The following NKAIN3 variants were observed in gnomAD, a reference collection of about 807,000 sequenced individuals.
The protein encoded by NKAIN3 is sodium/potassium transporting ATPase interacting 3.
A neutral mutation model predicts 30.2 loss-of-function variants in NKAIN3; 25 were observed. That is an observed-to-expected ratio of 0.83 (90% CI 0.60 to 1.16). The LOEUF (loss-of-function observed/expected upper bound fraction) is 1.16, where lower values mean the gene tolerates loss of function less well. Among genes scored for constraint, NKAIN3 ranks in the 50% most tolerant of loss-of-function variants. NKAIN3 has a pLI of 0.00. For synonymous variants in NKAIN3, 91 were observed against 89.6 expected (o/e 1.02, Z -0.09); for missense variants, 225 against 254.1 (o/e 0.89, Z 0.78).
chr8:62,784,338 A>C (rs891117836), intron 4 of NKAIN3, among the ~76,000 whole-genome samples: 1 of 152,026 alleles, frequency 6.6e-6, no homozygotes, highest in African/African-American at 2.4e-5. Flanking sequence ...AGTACAACCA[A>C]AGGTTGCTAC....
At chr8:62,584,973 T>C (rs16929209) in intron 2 of NKAIN3, among the ~76,000 whole-genome samples, 5,235 of 152,328 alleles carry the variant, frequency 0.034, 248 homozygotes, top group African/African-American at 0.11. Flanking sequence ...TACAGACCAT[T>C]AGATATGCTT....
Position 62,973,042 on chromosome 8 carries a change from G to GTGCCACAT in NKAIN3, c.*7637_*7644dup, listed in dbSNP as rs1466309579. On this transcript the variant is annotated 3_prime_UTR_variant, in exon 7 of 7. Coordinates refer to ENST00000623646, the MANE Select transcript of NKAIN3 (RefSeq NM_001304533.3). ...CTGCATAGTATTCCATGGTGTATAT[G>GTGCCACAT]TGCCACATTTTCTTTATCCGTTCTA... Among the ~76,000 whole-genome samples the GTGCCACAT allele has an allele frequency of 6.6e-6, 1 of 152,158 alleles. No individual in the cohort carries two copies. Among genetic ancestry groups the GTGCCACAT allele is most frequent in the Non-Finnish European group, 1.5e-5 (1 of 68,038 alleles).
At chr8:62,873,955 G>T (rs1402021621) in intron 4 of NKAIN3, among the ~76,000 whole-genome samples, 2 of 151,880 alleles carry the variant, frequency 1.3e-5, no homozygotes, top group South Asian at 2.1e-4. Flanking sequence ...AAAACCAAAA[G>T]CTAGCAGACA....
At chr8:62,777,903 C>A (rs1242157811) in intron 4 of NKAIN3, among the ~76,000 whole-genome samples, 4 of 152,104 alleles carry the variant, frequency 2.6e-5, no homozygotes, top group African/African-American at 4.8e-5. Context: ...GCTTCTGCAG[C>A]TGTGTCAGCA....
rs573010310 is a variant in NKAIN3, at chr8:62,661,230, C to A, written c.273+71436C>A. 1.4e-4 allele frequency among the ~76,000 whole-genome samples: 21 copies of A among 152,224 alleles called. No individual in the cohort carries two copies. In the South Asian group the frequency reaches 3.7e-3, roughly 27 times the overall value. On this transcript the variant is annotated intron_variant, in intron 3 of 6. Coordinates refer to ENST00000623646, the MANE Select transcript of NKAIN3 (RefSeq NM_001304533.3). Reference sequence around the variant, plus strand: ...CCTTTCCTGCTGTTTTCTCTCTTTCCACCCTTCACAATCGAGAGAAGGTCT... The same window carrying A: ...CCTTTCCTGCTGTTTTCTCTCTTTCAACCCTTCACAATCGAGAGAAGGTCT...
At chr8:62,609,590 G>A (rs924107098) in intron 3 of NKAIN3, among the ~76,000 whole-genome samples, 4 of 152,102 alleles carry the variant, frequency 2.6e-5, no homozygotes, top group Admixed American at 6.5e-5. Context: ...TCTGGGGAAA[G>A]AGACATAATA....
chr8:62,814,927 T>C (rs1818626691), intron 4 of NKAIN3, among the ~76,000 whole-genome samples: 2 of 151,992 alleles, frequency 1.3e-5, no homozygotes, highest in African/African-American at 4.8e-5. Context: ...CTTCAAAAAA[T>C]TAATGAATCC....
chr8:62,666,087 G>T (rs755837426), intron 3 of NKAIN3, among the ~76,000 whole-genome samples: 17 of 152,114 alleles, frequency 1.1e-4, no homozygotes, highest in African/African-American at 2.4e-4. Context: ...GGTGGTGGGC[G>T]CCTGTAATCC....
intron 3 of NKAIN3, among the ~76,000 whole-genome samples, chr8:62,657,355 A>G (rs1157405153): frequency 6.6e-6 from 1 of 152,202 alleles, no homozygotes; most frequent in Non-Finnish European, 1.5e-5. Context: ...ATTATAATTC[A>G]TTTGGATCCA....
At chr8:62,483,298 C>T in intron 1 of NKAIN3, 1 of 157,858 alleles carries the variant, frequency 6.3e-6, no homozygotes, top group Non-Finnish European at 1.4e-5. Flanking sequence ...CACAGTCCTG[C>T]TTTGCAGAGT....
chr8:62,778,734 A>G (rs1270546320), intron 4 of NKAIN3, among the ~76,000 whole-genome samples: 2 of 151,970 alleles, frequency 1.3e-5, no homozygotes, highest in African/African-American at 2.4e-5. Context: ...AAGCTACCAG[A>G]AAAAGTCCCC....
intron 4 of NKAIN3, among the ~76,000 whole-genome samples, chr8:62,769,301 CG>C (rs1816946104): frequency 6.6e-6 from 1 of 152,068 alleles, no homozygotes; most frequent in Non-Finnish European, 1.5e-5. Flanking sequence ...CCCAATTATC[CG>C]GATGTGTAAT....
At chr8:62,306,536 T>TTGTGTGTGTG (rs10552182) in intron 1 of NKAIN3, among the ~76,000 whole-genome samples, 88 of 136,062 alleles carry the variant, frequency 6.5e-4, no homozygotes, top group South Asian at 2.2e-3. Flanking sequence ...TTTGAAGGCT[T>TTGTGTGTGTG]TGTGTGTGTG....
intron 5 of NKAIN3, among the ~76,000 whole-genome samples, chr8:62,952,447 G>A (rs1823309143): frequency 6.6e-6 from 1 of 152,074 alleles, no homozygotes; most frequent in African/African-American, 2.4e-5. Context: ...TTTTTGTGAT[G>A]AGGCTAATGT....
chr8:62,499,291 G>A (rs919516384), intron 1 of NKAIN3, among the ~76,000 whole-genome samples: 3 of 152,086 alleles, frequency 2.0e-5, no homozygotes, highest in Admixed American at 1.3e-4. Context: ...TGCCTTTCTA[G>A]GATGGAATGC....
At chr8:62,521,602 G>A (rs889523894) in intron 1 of NKAIN3, among the ~76,000 whole-genome samples, 1 of 152,220 alleles carries the variant, frequency 6.6e-6, no homozygotes, top group South Asian at 2.1e-4. Context: ...GCTCCCACTG[G>A]CAAATAATCT....
intron 1 of NKAIN3, among the ~76,000 whole-genome samples, chr8:62,534,742 G>T (rs1471503288): frequency 6.6e-6 from 1 of 152,082 alleles, no homozygotes; most frequent in African/African-American, 2.4e-5. Context: ...GCTGCTTCTG[G>T]GCTAAATTCT....
intron 4 of NKAIN3, among the ~76,000 whole-genome samples, chr8:62,842,082 G>C (rs1413749002): frequency 6.6e-6 from 1 of 151,986 alleles, no homozygotes; most frequent in African/African-American, 2.4e-5. Flanking sequence ...TGAACCTTTT[G>C]GCCGTTTGGA....
At chr8:62,350,506 G>A (rs757205850) in intron 1 of NKAIN3, among the ~76,000 whole-genome samples, 5 of 152,096 alleles carry the variant, frequency 3.3e-5, no homozygotes, top group African/African-American at 7.2e-5. Flanking sequence ...GAGTTACAGC[G>A]TGGGACGATG....
Sources: allele counts gnomAD v4.1 joint callset (sites outside exome capture counted in the v4.1 genomes callset), GRCh38; gene constraint gnomAD v4.1.1; transcripts MANE v1.5; gene names NCBI Gene and HGNC (gene_info 2026-07-23, HGNC 2026-07-21).